Variants in ADGRV1 observed in about 807,000 individuals in gnomAD.
ADGRV1 encodes the protein G-protein coupled receptor 98.
In ADGRV1, 359 loss-of-function variants were observed where a neutral mutation model predicts 596.2. That is an observed-to-expected ratio of 0.60 (90% CI 0.55 to 0.66). ADGRV1 has a LOEUF of 0.66. ADGRV1 is among the 30% of genes least tolerant of loss of function. The pLI is 0.00. For synonymous variants in ADGRV1, 2,681 were observed against 2,679.2 expected (o/e 1.00, Z -0.02); for missense variants, 7,274 against 7,575.6 (o/e 0.96, Z 1.48).
At chr5:91,029,875 G>T (rs1784334059) in intron 85 of ADGRV1, among the ~76,000 whole-genome samples, 1 of 151,920 alleles carries the variant, frequency 6.6e-6, no homozygotes, top group South Asian at 2.1e-4. Flanking sequence ...ATCACCTACA[G>T]TATTTCAATG....
intron 86 of ADGRV1, among the ~76,000 whole-genome samples, chr5:91,093,851 G>GTTT (rs376638151): frequency 3.6e-4 from 48 of 132,260 alleles, no homozygotes; most frequent in South Asian, 1.4e-3. Flanking sequence ...ACATACGTAA[G>GTTT]TTTTTTTTTT....
intron 84 of ADGRV1, among the ~76,000 whole-genome samples, chr5:90,971,747 A>G (rs906066446): frequency 6.6e-6 from 1 of 152,228 alleles, no homozygotes; most frequent in Admixed American, 6.5e-5. Flanking sequence ...CTGCAAAAAC[A>G]TGACAAATTG....
chr5:90,899,973 T>G (rs1170399616), intron 83 of ADGRV1, among the ~76,000 whole-genome samples: 1 of 152,220 alleles, frequency 6.6e-6, no homozygotes, highest in African/African-American at 2.4e-5. Context: ...GAAATAATTC[T>G]TATTATAGAT....
intron 40 of ADGRV1, 55 bp downstream of exon 40, chr5:90,711,114 T>A: frequency 6.3e-7 from 1 of 1,575,174 alleles, no homozygotes; most frequent in Admixed American, 1.8e-5. Context: ...ATTTACTATC[T>A]ACCAAATAAA....
At chr5:90,850,821 CCT>C (rs1581319393) in intron 79 of ADGRV1, 1 of 151,974 alleles carries the variant, frequency 6.6e-6, no homozygotes, top group East Asian at 1.9e-4. Context: ...GAAAGAGTGG[CCT>C]TTTCTGTTTT....
intron 45 of ADGRV1, among the ~76,000 whole-genome samples, chr5:90,721,496 T>G (rs1448009217): frequency 1.2e-5 from 1 of 82,300 alleles, no homozygotes. Flanking sequence ...AGAGCAAGAC[T>G]TGGTCTAAAA....
At chr5:90,729,952 C>T (rs975499322) in intron 50 of ADGRV1, among the ~76,000 whole-genome samples, 188 bp downstream of exon 50, 11 of 152,070 alleles carry the variant, frequency 7.2e-5, no homozygotes, top group East Asian at 1.9e-4. Flanking sequence ...CTGCAAGCTC[C>T]GCCTCCCAGG....
chr5:90,833,865 C>G (rs1393478287), intron 77 of ADGRV1, among the ~76,000 whole-genome samples: 1 of 152,052 alleles, frequency 6.6e-6, no homozygotes. Context: ...TTCTTCCTTT[C>G]CAATTTGGAT....
chr5:91,049,901 A>C (rs1305335262), intron 85 of ADGRV1, among the ~76,000 whole-genome samples: 1 of 152,148 alleles, frequency 6.6e-6, no homozygotes, highest in Non-Finnish European at 1.5e-5. Flanking sequence ...TGCACCACAA[A>C]TACTGAGGGA....
intron 5 of ADGRV1, 62 bp from the exon 6 acceptor site, chr5:90,625,068 A>T (rs1764555951): frequency 1.1e-6 from 1 of 947,558 alleles, no homozygotes; most frequent in East Asian, 2.6e-5. Flanking sequence ...CATCACAATG[A>T]TGCTTTCTCA....
intron 82 of ADGRV1, among the ~76,000 whole-genome samples, chr5:90,859,280 A>G (rs1190298956): frequency 6.6e-6 from 1 of 152,180 alleles, no homozygotes; most frequent in Non-Finnish European, 1.5e-5. Flanking sequence ...CCAGCCTGAC[A>G]TACAGTAGGT....
At chr5:91,013,792 G>T (rs1782922232) in intron 85 of ADGRV1, among the ~76,000 whole-genome samples, 1 of 151,848 alleles carries the variant, frequency 6.6e-6, no homozygotes, top group South Asian at 2.1e-4. Context: ...ATTTCTATGT[G>T]TAGGGTGGTA....
At chr5:90,600,290 G>A (rs751283032) in intron 1 of ADGRV1, among the ~76,000 whole-genome samples, 2 of 152,096 alleles carry the variant, frequency 1.3e-5, no homozygotes, top group Non-Finnish European at 2.9e-5. Context: ...TTCTCCTAAT[G>A]CTATCCCTCC....
At chr5:90,704,630 C>A (rs1748356720) in intron 36 of ADGRV1, 142 bp downstream of exon 36, 6 of 539,438 alleles carry the variant, frequency 1.1e-5, no homozygotes, top group Non-Finnish European at 2.0e-5. Flanking sequence ...AATGTTAGAT[C>A]AAAAAAAATT....
At chr5:90,835,365 T>C (rs938650892) in intron 77 of ADGRV1, among the ~76,000 whole-genome samples, 3 of 152,202 alleles carry the variant, frequency 2.0e-5, no homozygotes, top group African/African-American at 7.2e-5. Context: ...GCAGAGACTC[T>C]TGTTTTCTTC....
chr5:90,595,073 G>A (rs1434382473), intron 1 of ADGRV1, among the ~76,000 whole-genome samples: 2,574 of 126,960 alleles, frequency 0.02, 17 homozygotes, highest in African/African-American at 0.093. Flanking sequence ...GGGCAGAGGC[G>A]CCCCTCACCT....
At chr5:90,686,494 T>G (rs1298080811) in intron 29 of ADGRV1, among the ~76,000 whole-genome samples, 5 of 152,136 alleles carry the variant, frequency 3.3e-5, no homozygotes, top group Non-Finnish European at 7.3e-5. Flanking sequence ...GATAGTTTAC[T>G]GAGAATGATG....
intron 50 of ADGRV1, among the ~76,000 whole-genome samples, chr5:90,737,390 G>T (rs1417941539): frequency 1.3e-5 from 2 of 151,920 alleles, no homozygotes; most frequent in Admixed American, 6.6e-5. Context: ...TGCTTGAGAA[G>T]AAAGTGTATT....
chr5:90,587,908 GT>G (rs140659927), intron 1 of ADGRV1, among the ~76,000 whole-genome samples: 4,583 of 152,120 alleles, frequency 0.03, 218 homozygotes, highest in African/African-American at 0.1. Context: ...AAAATGTATA[GT>G]TTCAAAATAT....
Sources: allele counts gnomAD v4.1 joint callset (sites outside exome capture counted in the v4.1 genomes callset), GRCh38; gene constraint gnomAD v4.1.1; transcripts MANE v1.5; gene names NCBI Gene and HGNC (gene_info 2026-07-23, HGNC 2026-07-21).